The following RANBP6 variants were observed in gnomAD, a reference collection of about 807,000 sequenced individuals.
RANBP6 encodes ran-binding protein 6.
In RANBP6, 10 loss-of-function variants were observed where a neutral mutation model predicts 35.3. The observed-to-expected ratio is 0.28, with a 90% confidence interval of 0.17 to 0.48. The LOEUF is 0.48. RANBP6 is among the 20% of genes least tolerant of loss of function. RANBP6 has a pLI of 0.99. For synonymous variants in RANBP6, 514 were observed against 464.2 expected, an observed-to-expected ratio of 1.11 and a Z score of -1.38; for missense variants, 1,392 against 1,307.7, an observed-to-expected ratio of 1.06 and a Z score of -0.99.
At position 6,014,329 on chromosome 9, in the gene RANBP6, C is replaced by G; in HGVS notation, c.1279G>C (p.Ala427Pro). 1 of 1,614,174 alleles carries G rather than the reference C, an allele frequency of 6.2e-7. No individual in the cohort carries two copies. Among genetic ancestry groups the G allele is most frequent in the South Asian group, 1.1e-5 (1 of 91,088 alleles). Residue 427 changes from alanine (A) to proline (P), a missense_variant, in exon 1 of 1, where the codon GCC becomes CCC. Coordinates refer to ENST00000259569, the MANE Select transcript of RANBP6 (RefSeq NM_012416.4). ...GCCATCTGTCCAAGTGTAGTACAGGCTGCAGCCCTCACCCTTGGATGAGGA... is the reference window on the plus strand; with the variant it reads ...GCCATCTGTCCAAGTGTAGTACAGGGTGCAGCCCTCACCCTTGGATGAGGA... ...QDPHPRVRAA[A>P]CTTLGQMATD...
At position 6,013,792 on chromosome 9, in the gene RANBP6, C is replaced by A; in HGVS notation, c.1816G>T (p.Asp606Tyr). 6.2e-7 allele frequency: 1 copy of A among 1,613,842 alleles called. No individual in the cohort carries two copies. Among genetic ancestry groups the A allele is most frequent in the South Asian group, 1.1e-5 (1 of 91,074 alleles). Reference protein sequence around the residue: ...QSDLNNMEDDDPQTSYMVSAW... With the variant: ...QSDLNNMEDDYPQTSYMVSAW... ...GAAACCATGTAAGAGGTCTGAGGGT[C>A]ATCATCTTCCATATTATTTAAGTCT... Residue 606 changes from aspartate to tyrosine, a missense_variant, in exon 1 of 1, where the codon GAC becomes TAC. Transcript: ENST00000259569.
rs754602052 is a variant in RANBP6, at chr9:6,012,629, G to C, written c.2979C>G (p.Asn993Lys). ...AIGKILKFKP[N>K]CVNVDEVLPH... Reference sequence around the variant, plus strand: ...GAAGAACTTCATCTACATTTACACAGTTAGGCTTAAACTTCAAAATCTTCC... The same window carrying C: ...GAAGAACTTCATCTACATTTACACACTTAGGCTTAAACTTCAAAATCTTCC... The change falls in exon 1 of 1, where the codon AAC becomes AAG. Residue 993 changes from asparagine to lysine, a missense_variant. By Grantham distance (94) the Asn-to-Lys change is moderately conservative. Transcript: ENST00000259569. 3 of 1,613,930 alleles carry C rather than the reference G, an allele frequency of 1.9e-6. No individual in the cohort carries two copies. Among genetic ancestry groups the C allele is most frequent in the African/African-American group, 2.7e-5 (2 of 75,036 alleles).
Position 6,014,293 on chromosome 9 carries a change from C to T in RANBP6, c.1315G>A (p.Ala439Thr). The T allele has an allele frequency of 1.2e-6, 2 of 1,614,206 alleles. No homozygotes were observed. Among genetic ancestry groups the T allele is most frequent in the Non-Finnish European group, 1.7e-6 (2 of 1,180,026 alleles). Residue 439 changes from alanine (A) to threonine (T), a missense_variant, in exon 1 of 1, where the codon GCA (alanine) becomes ACA (threonine). Transcript: ENST00000259569. ...TGAAATTTCTTTTGGAAATTAGGTGCAAAATCTGTAGCCATCTGTCCAAGT... is the reference window on the plus strand; with the variant it reads ...TGAAATTTCTTTTGGAAATTAGGTGTAAAATCTGTAGCCATCTGTCCAAGT... ...TTLGQMATDFAPNFQKKFHET... is the reference protein window; with the variant it reads ...TTLGQMATDFTPNFQKKFHET...
Position 6,015,025 on chromosome 9 carries a change from G to A in RANBP6, c.583C>T (p.Pro195Ser). The A allele has an allele frequency of 6.2e-7, 1 of 1,614,194 alleles. No homozygotes were observed. The highest frequency in any genetic ancestry group is 8.5e-7 in the Non-Finnish European group (1 of 1,180,028). The change falls in exon 1 of 1, where the codon CCA (proline) becomes TCA (serine). Residue 195 changes from proline (P) to serine (S), a missense_variant. Physicochemically the swap from Pro to Ser is moderately conservative, Grantham distance 74 (BLOSUM62 -1). Coordinates refer to ENST00000259569, the MANE Select transcript of RANBP6 (RefSeq NM_012416.4). The part of the protein sequence containing the change: ...LDQCIQDQEH[P>S]AIRTLSARAA... ...CTAGCGGATAATGTCCTGATTGCTG[G>A]ATGTTCTTGATCTTGAATACACTGG...
Position 6,013,775 on chromosome 9 carries a change from G to GT in RANBP6, c.1832dup (p.Tyr611Ter), listed in dbSNP as rs1563989373. ...ACATTCTAGCCCATGCTGAAACCAT[G>GT]TAAGAGGTCTGAGGGTCATCATCTT... ...NMEDDDPQTS[Y>*]MVSAWARMCK... Residue 611 changes from tyrosine to a stop codon, truncating the protein, a stop_gained and frameshift_variant, in exon 1 of 1, where the codon TAC becomes TAAC. Transcript: ENST00000259569. LOFTEE classifies it low-confidence loss of function (END_TRUNC). 3 of 1,613,852 alleles carry GT rather than the reference G, an allele frequency of 1.9e-6. No homozygotes were observed. Among genetic ancestry groups the GT allele is most frequent in the Non-Finnish European group, 8.5e-7 (1 of 1,180,030 alleles).
In RANBP6 at chr9:6,015,340, G is replaced by A. The variant is rs1403589173; in HGVS notation, c.268C>T (p.Pro90Ser). Residue 90 changes from proline to serine, a missense_variant, in exon 1 of 1, where the codon CCT becomes TCT. By Grantham distance (74) the Pro-to-Ser change is moderately conservative. Transcript: ENST00000259569. The stretch of plus-strand genomic sequence containing the variant: ...TTGACATCTCTCTGAACATCAGCAG[G>A]CAGATTTGGATAAACCTCCTCAAAC... ...SGFEEVYPNL[P>S]ADVQRDVKIE... is the part of the protein sequence containing the mutation. The A allele has an allele frequency of 2.5e-6, 4 of 1,614,196 alleles. No individual in the cohort carries two copies. Among genetic ancestry groups the A allele is most frequent in the Admixed American group, 1.7e-5 (1 of 60,028 alleles).
At position 6,012,334 on chromosome 9, in the gene RANBP6, C is replaced by G; in HGVS notation, c.3274G>C (p.Asp1092His). Residue 1092 changes from aspartate to histidine, a missense_variant, in exon 1 of 1, where the codon GAT (aspartate) becomes CAT (histidine). Physicochemically the swap from Asp to His is moderately conservative, Grantham distance 81. Transcript: ENST00000259569. ...LWLECVSQLD[D>H]EQQEALQELL... The stretch of plus-strand genomic sequence containing the variant: ...TCCTGTAAGGCTTCCTGCTGTTCAT[C>G]ATCAAGTTGTGATACACATTCCAAC... 1 of 1,593,576 alleles carries G rather than the reference C, an allele frequency of 6.3e-7. No individual in the cohort carries two copies. The highest frequency in any genetic ancestry group is 8.5e-7 in the Non-Finnish European group (1 of 1,172,664).
Position 6,014,372 on chromosome 9 carries a change from A to G in RANBP6, c.1236T>C (p.Val412=). 1 of 1,613,800 alleles carries G rather than the reference A, an allele frequency of 6.2e-7. No homozygotes were observed. Among genetic ancestry groups the G allele is most frequent in the Admixed American group, 1.7e-5 (1 of 60,012 alleles). ...GATGAGGATCCTGAAGAAAAAGCAA[A>G]ACGGAGTTAACTGTTTCATCTAGAA... ...ESILDETVNS[V]LLFLQDPHPR... is the part of the protein sequence containing the mutation. Residue 412 remains valine, a synonymous_variant, in exon 1 of 1, where the codon GTT becomes GTC. Coordinates refer to ENST00000259569, the MANE Select transcript of RANBP6 (RefSeq NM_012416.4).
rs754385949 is a variant in RANBP6, at chr9:6,012,736, G to C, written c.2872C>G (p.Leu958Val). Residue 958 changes from leucine (L) to valine (V), a missense_variant, in exon 1 of 1, where the codon CTT (leucine) becomes GTT (valine). By Grantham distance (32) the Leu-to-Val change is conservative. Transcript: ENST00000259569. ...GCACACTTAATAACTTTTACCAGAA[G>C]TGGAACAGCTTCTGAACATAAAGAA... ...YRSLCSEAVP[L>V]LVKVIKCANS... 1.9e-6 allele frequency: 3 copies of C among 1,614,116 alleles called. No individual in the cohort carries two copies. The highest frequency in any genetic ancestry group is 1.1e-5 in the South Asian group (1 of 91,078).
rs750463365 is a variant in RANBP6 at position 6,014,384 on chromosome 9, T to G, written c.1224A>C (p.Thr408=). ...HQQMESILDE[T]VNSVLLFLQD... ...GAAGAAAAAGCAAAACGGAGTTAAC[T>G]GTTTCATCTAGAATTGATTCCATTT... Residue 408 remains threonine (T), a synonymous_variant, in exon 1 of 1, where the codon ACA becomes ACC. Transcript: ENST00000259569. 30 of 1,613,914 alleles carry G rather than the reference T, an allele frequency of 1.9e-5. No individual in the cohort carries two copies. The highest frequency in any genetic ancestry group is 2.5e-5 in the Non-Finnish European group (30 of 1,179,854).
chr9:6,012,159 G>A lies in RANBP6; in HGVS notation c.*131C>T, dbSNP rs1842482633. 6.5e-5 allele frequency: 44 copies of A among 674,146 alleles called. 1 individual carries two copies. In the South Asian group the frequency reaches 1.1e-3, roughly 17 times the overall value. The allele number at this position is 674,146 out of a possible 1,614,324, so 41.8% of individuals were successfully genotyped here. A position where few individuals can be genotyped will look rare whatever the true frequency, so the allele number is the denominator to read the frequency against. ...AGGACTAACACTGATTAATTCTGGA[G>A]AAACATGGAGAAGAACTATAAACTG... is the stretch of plus-strand genomic sequence containing the variant. On this transcript the variant is annotated 3_prime_UTR_variant, in exon 1 of 1. Coordinates refer to ENST00000259569, the MANE Select transcript of RANBP6 (RefSeq NM_012416.4).
Position 6,014,544 on chromosome 9 carries a change from G to A in RANBP6, c.1064C>T (p.Ala355Val). 1 of 1,614,148 alleles carries A rather than the reference G, an allele frequency of 6.2e-7. No homozygotes were observed. Among genetic ancestry groups the A allele is most frequent in the Non-Finnish European group, 8.5e-7 (1 of 1,180,036 alleles). ...AACAACTTTTCCACCAAGCCCACAAGCCAGTCTGTCTAGTGCACTCTCCGC... is the reference window on the plus strand; with the variant it reads ...AACAACTTTTCCACCAAGCCCACAAACCAGTCTGTCTAGTGCACTCTCCGC... ...VAAESALDRL[A>V]CGLGGKVVLP... is the part of the protein sequence containing the mutation. The change falls in exon 1 of 1, where the codon GCT becomes GTT. Residue 355 changes from alanine (A) to valine (V), a missense_variant. Ala to Val is a moderately conservative substitution (Grantham distance 64, BLOSUM62 0). Transcript: ENST00000259569.
chr9:6,013,599 A>C lies in RANBP6; in HGVS notation c.2009T>G (p.Leu670Arg). The part of the protein sequence containing the change: ...SDDDGWQFVN[L>R]GDQQSFGIKT... Reference sequence around the variant, plus strand: ...AATTCCAAAACTCTGCTGGTCTCCAAGATTTACAAATTGCCAGCCATCATC... The same window carrying C: ...AATTCCAAAACTCTGCTGGTCTCCACGATTTACAAATTGCCAGCCATCATC... The change falls in exon 1 of 1, where the codon CTT becomes CGT. Residue 670 changes from leucine to arginine, a missense_variant. Leu to Arg is a moderately radical substitution (Grantham distance 102). Transcript: ENST00000259569. 1 of 1,614,232 alleles carries C rather than the reference A, an allele frequency of 6.2e-7. No homozygotes were observed. Among genetic ancestry groups the C allele is most frequent in the East Asian group, 2.2e-5 (1 of 44,892 alleles).
chr9:6,014,152 G>C lies in RANBP6; in HGVS notation c.1456C>G (p.Leu486Val), dbSNP rs1375423090. The C allele has an allele frequency of 1.2e-6, 2 of 1,613,874 alleles. No homozygotes were observed. Among genetic ancestry groups the C allele is most frequent in the Non-Finnish European group, 1.7e-6 (2 of 1,179,988 alleles). ...ACCATACTATCCACATATAGAACTAGCAATGATTTAGGGCAGTCTTCAATA... is the reference window on the plus strand; with the variant it reads ...ACCATACTATCCACATATAGAACTACCAATGATTTAGGGCAGTCTTCAATA... ...IFIEDCPKSL[L>V]VLYVDSMVKN... Residue 486 changes from leucine to valine, a missense_variant, in exon 1 of 1, where the codon CTA becomes GTA. Transcript: ENST00000259569.
chr9:6,012,120 T>C lies in RANBP6; in HGVS notation c.*170A>G, dbSNP rs572449109. 12 of 505,672 alleles carry C rather than the reference T, an allele frequency of 2.4e-5. No individual in the cohort carries two copies. The highest frequency in any genetic ancestry group is 9.6e-5 in the East Asian group (3 of 31,260). The allele number at this position is 505,672 out of a possible 1,614,324, so 31.3% of individuals were successfully genotyped here. On this transcript the variant is annotated 3_prime_UTR_variant, in exon 1 of 1. Transcript: ENST00000259569. ...AGGTCTGTGTTTGGAAGATAAAACA[T>C]GCGAGATAAACAGAGGACTAACACT...
At position 6,012,458 on chromosome 9, in the gene RANBP6, A is replaced by G; in HGVS notation, c.3150T>C (p.Ile1050=). 1 of 1,612,978 alleles carries G rather than the reference A, an allele frequency of 6.2e-7. No homozygotes were observed. The highest frequency in any genetic ancestry group is 8.5e-7 in the Non-Finnish European group (1 of 1,179,746). Residue 1050 remains isoleucine, a synonymous_variant, in exon 1 of 1, where the codon ATT becomes ATC. Transcript: ENST00000259569. ...TAGTCTCATTAATTTTTCCTTCTGC[A>G]ATTATACTGATTATTTTGGGAAGAT... ...NSNLPKIISI[I]AEGKINETIN... is the part of the protein sequence containing the mutation.
At position 6,015,585 on chromosome 9, in the gene RANBP6, C is replaced by A. The variant is rs772324078; in HGVS notation, c.23G>T (p.Gly8Val). 2.5e-6 allele frequency: 4 copies of A among 1,599,218 alleles called. No homozygotes were observed. The African/African-American group carries it at 5.4e-5, about 21-fold the overall frequency. MAATASA[G>V]VPATVSEKQE... ...CTTTTCTGACACGGTCGCCGGCACC[C>A]CTGCAGACGCGGTTGCCGCCATTGC... is the stretch of plus-strand genomic sequence containing the variant. The change falls in exon 1 of 1, where the codon GGG becomes GTG. Residue 8 changes from glycine (G) to valine (V), a missense_variant. Transcript: ENST00000259569.
In RANBP6 at chr9:6,012,974, A is replaced by G. The variant is rs747204599; in HGVS notation, c.2634T>C (p.Asn878=). ...GCCATGGCCTACTTGAACAAATTAGATTTACAATTAATGGAAGTAGTTGTT... is the reference window on the plus strand; with the variant it reads ...GCCATGGCCTACTTGAACAAATTAGGTTTACAATTAATGGAAGTAGTTGTT... ...WFEQLLPLIV[N]LICSSRPWPD... Residue 878 remains asparagine (N), a synonymous_variant, in exon 1 of 1, where the codon AAT becomes AAC. Coordinates refer to ENST00000259569, the MANE Select transcript of RANBP6 (RefSeq NM_012416.4). 5.6e-6 allele frequency: 9 copies of G among 1,614,090 alleles called. No homozygotes were observed. The East Asian group carries it at 2.0e-4, about 36-fold the overall frequency.
chr9:6,013,066 T>C lies in RANBP6; in HGVS notation c.2542A>G (p.Thr848Ala). 5.6e-6 allele frequency: 9 copies of C among 1,613,944 alleles called. No homozygotes were observed. The highest frequency in any genetic ancestry group is 7.6e-6 in the Non-Finnish European group (9 of 1,179,972). The change falls in exon 1 of 1, where the codon ACC (threonine) becomes GCC (alanine). Residue 848 changes from threonine to alanine, a missense_variant. Thr to Ala is a moderately conservative substitution (Grantham distance 58, BLOSUM62 0). Coordinates refer to ENST00000259569, the MANE Select transcript of RANBP6 (RefSeq NM_012416.4). The stretch of plus-strand genomic sequence containing the variant: ...GAGTGCAAAATATCTGATACTTTGG[T>C]CAGAATATAAACATCACATTCATCC... ...DEDECDVYIL[T>A]KVSDILHSLF...
Sources: gnomAD v4.1 joint callset for allele counts on GRCh38, gnomAD v4.1.1 for gene constraint, MANE v1.5 for transcripts, NCBI Gene and HGNC (gene_info 2026-07-23, HGNC 2026-07-21) for gene names.